The following ZNF197 variants were observed in gnomAD, a reference collection of about 807,000 sequenced individuals.
ZNF197 encodes the protein VHL-associated KRAB-A domain-containing protein.
ZNF197 carries 14 observed loss-of-function variants against 27.4 expected under a neutral mutation model. That is an observed-to-expected ratio of 0.51 (90% CI 0.34 to 0.80). The LOEUF is 0.80. Among genes scored for constraint, ZNF197 ranks in the 30% least tolerant of loss-of-function variants. The pLI is 0.02. For synonymous variants in ZNF197, 415 were observed against 420.0 expected (o/e 0.99, Z 0.15); for missense variants, 1,090 against 1,222.6 (o/e 0.89, Z 1.62).
At chr3:44,638,873 T>A (rs1214825178) in intron 5 of ZNF197, among the ~76,000 whole-genome samples, 1 of 152,148 alleles carries the variant, frequency 6.6e-6, no homozygotes, top group East Asian at 1.9e-4. Context: ...TATTTGTTTT[T>A]ATTTTAATTT....
chr3:44,633,165 A>G (rs1702103984), intron 5 of ZNF197, among the ~76,000 whole-genome samples: 1 of 152,166 alleles, frequency 6.6e-6, no homozygotes, highest in African/African-American at 2.4e-5. Context: ...CTCTGCCTTC[A>G]TTTGTACTGA....
At chr3:44,636,476 T>G (rs985608276) in intron 5 of ZNF197, among the ~76,000 whole-genome samples, 1 of 152,224 alleles carries the variant, frequency 6.6e-6, no homozygotes, top group Non-Finnish European at 1.5e-5. Flanking sequence ...AATGGAATCA[T>G]GCAATATGTG....
intron 1 of ZNF197, among the ~76,000 whole-genome samples, chr3:44,626,357 A>C (rs192340686): frequency 2.4e-4 from 37 of 152,170 alleles, no homozygotes; most frequent in Admixed American, 2.1e-3. Flanking sequence ...GCTCAGAGTG[A>C]AAAAGGTCTT....
rs1372753559 is a variant in ZNF197, at chr3:44,641,989, C to T, written c.859C>T (p.Leu287Phe). ...CTCTCATAAAGGAACATCAAAAAGA[C>T]TTCAAGGAAGTGTTCCCCAGGTCCT... ...ADSHKGTSKRLQGSVPQVLDF... is the reference protein window; with the variant it reads ...ADSHKGTSKRFQGSVPQVLDF... The change falls in exon 6 of 6, where the codon CTT becomes TTT. Residue 287 changes from leucine (L) to phenylalanine (F), a missense_variant. By Grantham distance (22) the Leu-to-Phe change is conservative (BLOSUM62 0). Coordinates refer to ENST00000344387, the MANE Select transcript of ZNF197 (RefSeq NM_006991.5). 5 of 1,613,666 alleles carry T rather than the reference C, an allele frequency of 3.1e-6. No individual in the cohort carries two copies. The East Asian group carries it at 8.9e-5, about 29-fold the overall frequency.
rs924342300 is a variant in ZNF197 at position 44,629,080 on chromosome 3, C to T, written c.-75C>T. On this transcript the variant is annotated 5_prime_UTR_variant, in exon 2 of 6. Coordinates refer to ENST00000344387, the MANE Select transcript of ZNF197 (RefSeq NM_006991.5). ...ATTTCTTGAGGTCTTGTAGATGATA[C>T]TCTCCAAGCTGTAAGGAAGAAGTCA... 5 of 1,518,184 alleles carry T rather than the reference C, an allele frequency of 3.3e-6. No individual in the cohort carries two copies. The highest frequency in any genetic ancestry group is 2.7e-5 in the South Asian group (2 of 73,190). 94.0% of individuals were successfully genotyped at this position (1,518,184 alleles called of 1,614,324 possible). A position where few individuals can be genotyped will look rare whatever the true frequency, so the allele number is the denominator to read the frequency against.
intron 3 of ZNF197, 40 bp from the exon 4 acceptor site, chr3:44,632,065 G>A: frequency 6.3e-7 from 1 of 1,585,538 alleles, no homozygotes; most frequent in Non-Finnish European, 8.7e-7. Flanking sequence ...ACTCAGAAAA[G>A]GTTTGTAGGT....
chr3:44,636,359 C>CA (rs1488010907), intron 5 of ZNF197, among the ~76,000 whole-genome samples: 1 of 151,910 alleles, frequency 6.6e-6, no homozygotes, highest in Non-Finnish European at 1.5e-5. Context: ...TTGAACCCTT[C>CA]AGCAGTCCAC....
At chr3:44,630,789 CA>C in intron 2 of ZNF197, 1 of 596,958 alleles carries the variant, frequency 1.7e-6, no homozygotes, top group Non-Finnish European at 3.1e-6. Flanking sequence ...TATTACTTCC[CA>C]TTCCCTCCTT....
Position 44,644,364 on chromosome 3 carries a change from C to A in ZNF197, c.*144C>A, listed in dbSNP as rs1425303496. 28 of 1,405,132 alleles carry A rather than the reference C, an allele frequency of 2.0e-5. No individual in the cohort carries two copies. Among genetic ancestry groups the A allele is most frequent in the African/African-American group, 2.9e-5 (2 of 68,472 alleles). The allele number at this position is 1,405,132 out of a possible 1,614,324, so 87.0% of individuals were successfully genotyped here. A position where few individuals can be genotyped will look rare whatever the true frequency, so the allele number is the denominator to read the frequency against. On this transcript the variant is annotated 3_prime_UTR_variant, in exon 6 of 6. Coordinates refer to ENST00000344387, the MANE Select transcript of ZNF197 (RefSeq NM_006991.5). ...TATAGAAGAAAGTTAATAGGCCGGGCTTGGTGGCTCATGCCTGTAATCCCA... is the reference window on the plus strand; with the variant it reads ...TATAGAAGAAAGTTAATAGGCCGGGATTGGTGGCTCATGCCTGTAATCCCA...
intron 5 of ZNF197, among the ~76,000 whole-genome samples, chr3:44,637,541 A>G (rs1702367941): frequency 6.6e-6 from 1 of 151,954 alleles, no homozygotes; most frequent in East Asian, 1.9e-4. Context: ...CTAAGAAACC[A>G]TCACTAATCT....
chr3:44,626,830 A>G (rs1701696116), intron 1 of ZNF197, among the ~76,000 whole-genome samples: 1 of 152,190 alleles, frequency 6.6e-6, no homozygotes, highest in African/African-American at 2.4e-5. Flanking sequence ...GATTCAAGGA[A>G]TTTTTCTTAT....
Position 44,644,685 on chromosome 3 carries a change from T to C in ZNF197, c.*465T>C, listed in dbSNP as rs928308443. ...AACTTTCAAGTCTACAAAAACATAA[T>C]CCAAATCTAATAACATAGTTGTAAA... is the stretch of plus-strand genomic sequence containing the variant. On this transcript the variant is annotated 3_prime_UTR_variant, in exon 6 of 6. Transcript: ENST00000344387. 3.3e-5 allele frequency: 33 copies of C among 986,578 alleles called. No individual in the cohort carries two copies. Among genetic ancestry groups the C allele is most frequent in the Non-Finnish European group, 4.0e-5 (33 of 831,072 alleles). The allele number at this position is 986,578 out of a possible 1,614,324, so 61.1% of individuals were successfully genotyped here. A position where few individuals can be genotyped will look rare whatever the true frequency, so the allele number is the denominator to read the frequency against.
chr3:44,630,770 A>C (rs1352612342), intron 2 of ZNF197: 1 of 539,134 alleles, frequency 1.9e-6, no homozygotes, highest in African/African-American at 1.9e-5. Context: ...CATGCTCTTA[A>C]TTACTGCTTA....
chr3:44,646,475 T>A lies in ZNF197; in HGVS notation c.*2255T>A. 6 of 1,610,252 alleles carry A rather than the reference T, an allele frequency of 3.7e-6. No individual in the cohort carries two copies. Among genetic ancestry groups the A allele is most frequent in the Non-Finnish European group, 5.1e-6 (6 of 1,176,594 alleles). ...TCAACCTGAATTTAATCAAGCTTCT[T>A]GGACCTCATTGCCAGGTTACAGGAA... is the stretch of plus-strand genomic sequence containing the variant. On this transcript the variant is annotated 3_prime_UTR_variant, in exon 6 of 6. Coordinates refer to ENST00000344387, the MANE Select transcript of ZNF197 (RefSeq NM_006991.5).
In ZNF197 at chr3:44,642,625, G is replaced by A. The variant is rs748787727; in HGVS notation, c.1495G>A (p.Asp499Asn). Residue 499 changes from aspartate (D) to asparagine (N), a missense_variant, in exon 6 of 6, where the codon GAC becomes AAC. Coordinates refer to ENST00000344387, the MANE Select transcript of ZNF197 (RefSeq NM_006991.5). ...KVFSQNAYLI[D>N]HQRLHKGEEP... Reference sequence around the variant, plus strand: ...CTTCTCTCAGAATGCTTACCTCATTGACCATCAGAGGCTCCACAAAGGGGA... The same window carrying A: ...CTTCTCTCAGAATGCTTACCTCATTAACCATCAGAGGCTCCACAAAGGGGA... 6.2e-7 allele frequency: 1 copy of A among 1,613,874 alleles called. No individual in the cohort carries two copies. The highest frequency in any genetic ancestry group is 1.1e-5 in the South Asian group (1 of 91,054).
At position 44,642,058 on chromosome 3, in the gene ZNF197, T is replaced by TG. The variant is rs1702635703; in HGVS notation, c.932dup (p.Asn312LysfsTer2). ...TGAATGGCAAGTTTTGGCAAGTCAGTGGGGAAATGAAACAGATGAAAGGGC... is the reference window on the plus strand; with the variant it reads ...TGAATGGCAAGTTTTGGCAAGTCAGTGGGGGAAATGAAACAGATGAAAGGGC... On this transcript the variant is annotated frameshift_variant, in exon 6 of 6. Transcript: ENST00000344387. LOFTEE classifies it low-confidence loss of function (END_TRUNC). 6.2e-7 allele frequency: 1 copy of TG among 1,614,010 alleles called. No homozygotes were observed. Among genetic ancestry groups the TG allele is most frequent in the Non-Finnish European group, 8.5e-7 (1 of 1,179,984 alleles).
rs765064276 is a variant in ZNF197, at chr3:44,643,498, T to G, written c.2368T>G (p.Tyr790Asp). 1.2e-6 allele frequency: 2 copies of G among 1,613,958 alleles called. No individual in the cohort carries two copies. The highest frequency in any genetic ancestry group is 8.5e-7 in the Non-Finnish European group (1 of 1,179,822). Residue 790 changes from tyrosine to aspartate, a missense_variant, in exon 6 of 6, where the codon TAT becomes GAT. Tyr to Asp is a radical substitution (Grantham distance 160). Coordinates refer to ENST00000344387, the MANE Select transcript of ZNF197 (RefSeq NM_006991.5). ...HKRIHSGEKP[Y>D]ECDECGKCFI... is the part of the protein sequence containing the mutation. ...GAGAATCCACAGTGGTGAGAAACCCTATGAGTGTGATGAGTGTGGCAAATG... is the reference window on the plus strand; with the variant it reads ...GAGAATCCACAGTGGTGAGAAACCCGATGAGTGTGATGAGTGTGGCAAATG...
rs1701693039 is a variant in ZNF197 at position 44,626,792 on chromosome 3, TGTATATACCTTTTAACTCA to T, written c.-82+1651_-82+1669del. On this transcript the variant is annotated intron_variant, in intron 1 of 5. Coordinates refer to ENST00000344387, the MANE Select transcript of ZNF197 (RefSeq NM_006991.5). ...AAATTGGCAATATCAAAATTATACA[TGTATATACCTTTTAACTCA>T]GCAATTCTGATTCAAGGAATTTTTC... 2.0e-5 allele frequency among the ~76,000 whole-genome samples: 3 copies of T among 152,136 alleles called. No individual in the cohort carries two copies. In the South Asian group the frequency reaches 6.2e-4, roughly 31 times the overall value.
At chr3:44,628,529 A>T (rs1701796745) in intron 1 of ZNF197, among the ~76,000 whole-genome samples, 2 of 152,236 alleles carry the variant, frequency 1.3e-5, no homozygotes, top group South Asian at 2.1e-4. Flanking sequence ...ATTTTCTCTC[A>T]TATGTATCAT....
Sources: allele counts gnomAD v4.1 joint callset (sites outside exome capture counted in the v4.1 genomes callset), GRCh38; gene constraint gnomAD v4.1.1; transcripts MANE v1.5; gene names NCBI Gene and HGNC (gene_info 2026-07-23, HGNC 2026-07-21).